Variants in CBL observed in about 807,000 individuals in gnomAD.
CBL encodes Cbl proto-oncogene, also known as E3 ubiquitin-protein ligase CBL.
Under a neutral mutation model 96.9 loss-of-function variants are expected in CBL, and 45 were observed. The observed-to-expected ratio is 0.46, with a 90% CI of 0.37 to 0.60. CBL has a LOEUF of 0.60. Ranked by LOEUF, CBL falls within the 20% of genes least tolerant of loss-of-function variation. CBL has a pLI of 0.00. For synonymous variants in CBL, 420 were observed against 426.8 expected (o/e 0.98, Z 0.20); for missense variants, 1,024 against 1,143.5 (o/e 0.90, Z 1.51).
intron 2 of CBL, among the ~76,000 whole-genome samples, chr11:119,253,849 AAAACAAAAAC>A (rs1949690353): frequency 6.6e-6 from 1 of 151,318 alleles, no homozygotes. Flanking sequence ...AACAAAAACA[AAAACAAAAAC>A]AAAAATATCA....
chr11:119,288,730 C>T (rs1950003684), intron 12 of CBL, among the ~76,000 whole-genome samples: 1 of 152,094 alleles, frequency 6.6e-6, no homozygotes, highest in African/African-American at 2.4e-5. Flanking sequence ...AAAAGTTGGC[C>T]CTCCCTGTAT....
At chr11:119,263,536 C>T (rs1949770889) in intron 2 of CBL, among the ~76,000 whole-genome samples, 1 of 152,180 alleles carries the variant, frequency 6.6e-6, no homozygotes, top group African/African-American at 2.4e-5. Flanking sequence ...ATTTCAAAAG[C>T]AGGACCATGA....
chr11:119,288,012 A>G, intron 12 of CBL, 66 bp downstream of exon 12: 1 of 1,083,182 alleles, frequency 9.2e-7, no homozygotes, highest in South Asian at 1.3e-5. Context: ...ACTTGCAGAA[A>G]ATTGAGAAAA....
intron 9 of CBL, among the ~76,000 whole-genome samples, chr11:119,280,814 T>C (rs557970977): frequency 9.2e-5 from 14 of 152,316 alleles, no homozygotes; most frequent in African/African-American, 3.4e-4. Context: ...AGGTCTCTTA[T>C]ATCTCCCTCC....
intron 2 of CBL, among the ~76,000 whole-genome samples, chr11:119,240,885 T>C (rs184584929): frequency 6.6e-6 from 1 of 152,038 alleles, no homozygotes; most frequent in Non-Finnish European, 1.5e-5. Flanking sequence ...CCAGCCTGGC[T>C]AACATCGTGA....
intron 2 of CBL, among the ~76,000 whole-genome samples, chr11:119,260,939 C>CCTTTT (rs748251425): frequency 1.1e-5 from 1 of 89,920 alleles, no homozygotes; most frequent in Non-Finnish European, 2.0e-5. Flanking sequence ...TAAATCTCTA[C>CCTTTT]TTTTTTTTTT....
chr11:119,263,178 C>T (rs1295536868), intron 2 of CBL, among the ~76,000 whole-genome samples: 1 of 152,120 alleles, frequency 6.6e-6, no homozygotes, highest in East Asian at 1.9e-4. Context: ...GGCACAGAGC[C>T]TGGAAAGCGT....
At chr11:119,275,088 C>A in intron 5 of CBL, 135 bp downstream of exon 5, 1 of 874,924 alleles carries the variant, frequency 1.1e-6, no homozygotes, top group South Asian at 1.4e-5. Context: ...ACCTGTTTAT[C>A]AGACGTATTG....
intron 1 of CBL, among the ~76,000 whole-genome samples, chr11:119,225,780 T>C (rs1243697568): frequency 1.5e-5 from 2 of 136,362 alleles, no homozygotes; most frequent in Admixed American, 1.7e-4. Context: ...CATGCTAGAG[T>C]GCAAAGGTGC....
Position 119,244,741 on chromosome 11 carries a change from G to A in CBL, c.443+12046G>A, listed in dbSNP as rs77973953. On this transcript the variant is annotated intron_variant, in intron 2 of 15. Coordinates refer to ENST00000264033, the MANE Select transcript of CBL (RefSeq NM_005188.4). ...AATTTTTGTATTTTTTGTAGAGACG[G>A]GATTTTGCCATATTGCCTAGGCTGG... 6.8e-3 allele frequency among the ~76,000 whole-genome samples: 1,026 copies of A among 151,986 alleles called. 7 individuals are homozygous for A. The highest frequency in any genetic ancestry group is 0.023 in the African/African-American group (951 of 41,420).
intron 1 of CBL, among the ~76,000 whole-genome samples, chr11:119,231,734 C>G (rs1341386743): frequency 6.6e-6 from 1 of 151,874 alleles, no homozygotes; most frequent in Non-Finnish European, 1.5e-5. Context: ...AAACAAAGCT[C>G]AAGACCCTAG....
chr11:119,214,794 A>ATC lies in CBL; in HGVS notation c.195+8193_195+8194dup, dbSNP rs531481144. ...CACCTTTTAGCTTCAGTTTATTAAC[A>ATC]TCTCTCTCTCTCGCCCATTAGAGCT... On this transcript the variant is annotated intron_variant, in intron 1 of 15. Coordinates refer to ENST00000264033, the MANE Select transcript of CBL (RefSeq NM_005188.4). 4.3e-4 allele frequency among the ~76,000 whole-genome samples: 65 copies of ATC among 151,154 alleles called. 2 individuals carry two copies. The East Asian group carries it at 0.013, about 29-fold the overall frequency.
chr11:119,230,076 C>T (rs1949489395), intron 1 of CBL, among the ~76,000 whole-genome samples: 1 of 151,988 alleles, frequency 6.6e-6, no homozygotes, highest in African/African-American at 2.4e-5. Context: ...TATTGTCTAT[C>T]CATAGACTAG....
At chr11:119,216,869 T>C (rs1274988506) in intron 1 of CBL, among the ~76,000 whole-genome samples, 4 of 152,174 alleles carry the variant, frequency 2.6e-5, no homozygotes, top group African/African-American at 9.7e-5. Flanking sequence ...ACCTGTCTTA[T>C]CCTCGGTTAC....
chr11:119,273,245 C>G (rs1949862144), intron 3 of CBL, among the ~76,000 whole-genome samples: 1 of 152,106 alleles, frequency 6.6e-6, no homozygotes, highest in African/African-American at 2.4e-5. Flanking sequence ...GCGTGAGCCA[C>G]TGTGTTAGGC....
At chr11:119,255,148 A>T (rs1949701696) in intron 2 of CBL, among the ~76,000 whole-genome samples, 1 of 152,154 alleles carries the variant, frequency 6.6e-6, no homozygotes, top group Non-Finnish European at 1.5e-5. Flanking sequence ...GTGAAGTTAA[A>T]AAGCGTGAGT....
At chr11:119,293,144 G>T (rs999804214) in intron 12 of CBL, among the ~76,000 whole-genome samples, 1 of 150,116 alleles carries the variant, frequency 6.7e-6, no homozygotes, top group Non-Finnish European at 1.5e-5. Flanking sequence ...TCACTCTGTC[G>T]CCCAGGTTGG....
intron 2 of CBL, among the ~76,000 whole-genome samples, chr11:119,244,711 A>G (rs1410377462): frequency 1.3e-5 from 2 of 151,506 alleles, no homozygotes; most frequent in Non-Finnish European, 2.9e-5. Context: ...CCTCCCGAGT[A>G]GCTGAATTTT....
At chr11:119,221,731 C>T (rs1034833925) in intron 1 of CBL, among the ~76,000 whole-genome samples, 2 of 149,180 alleles carry the variant, frequency 1.3e-5, no homozygotes, top group Admixed American at 1.3e-4. Flanking sequence ...CGCGCCACTG[C>T]ACTCCAGCCT....
Sources: gnomAD v4.1 joint callset for allele counts (sites outside exome capture counted in the v4.1 genomes callset) on GRCh38, gnomAD v4.1.1 for gene constraint, MANE v1.5 for transcripts, NCBI Gene and HGNC (gene_info 2026-07-23, HGNC 2026-07-21) for gene names.